Variants in IRF2 observed in about 807,000 individuals in gnomAD.
IRF2 encodes interferon regulatory factor 2.
Under a neutral mutation model 40.6 loss-of-function variants are expected in IRF2, and 15 were observed. The ratio of observed to expected loss-of-function variants is 0.37; its 90% CI spans 0.25 to 0.57. The LOEUF is 0.57. Among genes scored for constraint, IRF2 ranks in the 20% least tolerant of loss-of-function variants. The pLI is 0.77. For missense variants in IRF2, 317 were observed against 455.7 expected (o/e 0.70, Z 2.77); for synonymous variants, 151 against 165.5 (o/e 0.91, Z 0.67).
rs547540554 is a variant in IRF2, at chr4:184,388,616, G to T, written c.*142C>A. The T allele has an allele frequency of 2.4e-6, 2 of 832,496 alleles. No individual in the cohort carries two copies. The highest frequency in any genetic ancestry group is 3.4e-5 in the African/African-American group (2 of 58,424). 51.6% of individuals were successfully genotyped at this position (832,496 alleles called of 1,614,324 possible). On this transcript the variant is annotated 3_prime_UTR_variant, in exon 9 of 9. Coordinates refer to ENST00000393593, the MANE Select transcript of IRF2 (RefSeq NM_002199.4). This position sits in a 1 kb window ranked among gnomAD's most constrained non-coding sequence, Gnocchi z 4.6. Reference sequence around the variant, plus strand: ...AAGAGAAGCTCCAGTACTGGAGTTGGACACAGCAATCAATGTTCTATTGTC... The same window carrying T: ...AAGAGAAGCTCCAGTACTGGAGTTGTACACAGCAATCAATGTTCTATTGTC...
intron 1 of IRF2, among the ~76,000 whole-genome samples, chr4:184,468,229 T>C (rs1739396937): frequency 6.6e-6 from 1 of 152,238 alleles, no homozygotes; most frequent in African/African-American, 2.4e-5. Context: ...GGCTCACACC[T>C]GTAATCCGAA....
At chr4:184,473,630 C>G (rs1217764055) in intron 1 of IRF2, among the ~76,000 whole-genome samples, 1 of 147,936 alleles carries the variant, frequency 6.8e-6, no homozygotes, top group Non-Finnish European at 1.5e-5. Context: ...GCCCGGCGCC[C>G]GGCCCGGCTC....
intron 1 of IRF2, among the ~76,000 whole-genome samples, chr4:184,463,664 T>A (rs891194361): frequency 5.9e-5 from 9 of 152,140 alleles, no homozygotes; most frequent in Non-Finnish European, 1.0e-4. Flanking sequence ...ATATATTTTT[T>A]TTTTGATGGG....
At chr4:184,389,608 T>A (rs1052916902) in intron 8 of IRF2, among the ~76,000 whole-genome samples, 12 of 152,060 alleles carry the variant, frequency 7.9e-5, no homozygotes, top group South Asian at 4.1e-4. Flanking sequence ...TCTTTTTTTT[T>A]AAAAAATCAA....
chr4:184,436,997 C>A (rs1011752722), intron 1 of IRF2, among the ~76,000 whole-genome samples: 1 of 152,136 alleles, frequency 6.6e-6, no homozygotes, highest in Non-Finnish European at 1.5e-5. Flanking sequence ...GAGAGCCTCT[C>A]ACCTCAGCCT....
chr4:184,465,730 A>G (rs1739294440), intron 1 of IRF2, among the ~76,000 whole-genome samples: 2 of 152,166 alleles, frequency 1.3e-5, no homozygotes, highest in Middle Eastern at 3.2e-3. Context: ...AATTCGTTCA[A>G]ATGTGTCTCT....
chr4:184,425,873 G>GA (rs1252535157), intron 2 of IRF2, among the ~76,000 whole-genome samples: 1 of 152,200 alleles, frequency 6.6e-6, no homozygotes, highest in Non-Finnish European at 1.5e-5. Context: ...AGACTGTCAT[G>GA]AAAAATTACA....
chr4:184,416,274 C>T (rs562093661), intron 5 of IRF2, among the ~76,000 whole-genome samples: 23 of 144,106 alleles, frequency 1.6e-4, no homozygotes, highest in African/African-American at 4.4e-4. Context: ...GCTATGATCG[C>T]GTCACTTCAC....
chr4:184,412,355 G>A (rs1030114358), intron 5 of IRF2, among the ~76,000 whole-genome samples: 1 of 151,998 alleles, frequency 6.6e-6, no homozygotes, highest in African/African-American at 2.4e-5. Flanking sequence ...CAGAGTTAGA[G>A]GACAGCAGAG....
chr4:184,470,906 C>T (rs1482145828), intron 1 of IRF2, among the ~76,000 whole-genome samples: 1 of 152,152 alleles, frequency 6.6e-6, no homozygotes. Context: ...ATTTGGTCTC[C>T]ATGGATACCA....
intron 6 of IRF2, among the ~76,000 whole-genome samples, chr4:184,401,333 A>G (rs1230045766): frequency 1.3e-5 from 2 of 152,246 alleles, no homozygotes; most frequent in Non-Finnish European, 2.9e-5. Flanking sequence ...GGCAATTCAT[A>G]GGTTCTTTAA....
At chr4:184,465,533 T>C (rs1266071232) in intron 1 of IRF2, among the ~76,000 whole-genome samples, 1 of 151,950 alleles carries the variant, frequency 6.6e-6, no homozygotes, top group Non-Finnish European at 1.5e-5. Context: ...CAAAAAGATA[T>C]GTTTTCTTCC....
chr4:184,396,681 C>T (rs1055517807), intron 7 of IRF2, among the ~76,000 whole-genome samples: 1 of 152,006 alleles, frequency 6.6e-6, no homozygotes, highest in African/African-American at 2.4e-5. Context: ...AGTGATCCTC[C>T]CACTTCAGCC....
At chr4:184,421,764 G>C (rs1462991501) in intron 2 of IRF2, among the ~76,000 whole-genome samples, 1 of 152,096 alleles carries the variant, frequency 6.6e-6, no homozygotes, top group Non-Finnish European at 1.5e-5. Flanking sequence ...TAGTCCCACA[G>C]AAACCGCAAA....
intron 2 of IRF2, among the ~76,000 whole-genome samples, chr4:184,427,716 A>G (rs139597829): frequency 2.6e-5 from 4 of 152,346 alleles, no homozygotes; most frequent in Non-Finnish European, 5.9e-5. Flanking sequence ...TTTGAAAGAT[A>G]TCTGAAAAGA....
chr4:184,434,504 A>T (rs1738009098), intron 1 of IRF2, among the ~76,000 whole-genome samples: 1 of 152,204 alleles, frequency 6.6e-6, no homozygotes, highest in African/African-American at 2.4e-5. Context: ...TATATGAGCA[A>T]CCTGTACTTC....
chr4:184,445,090 G>A (rs560899227), intron 1 of IRF2, among the ~76,000 whole-genome samples: 175 of 152,276 alleles, frequency 1.1e-3, no homozygotes, highest in Middle Eastern at 3.4e-3. Context: ...ACCAATGACA[G>A]TCAGAGTTCC....
chr4:184,423,777 G>A (rs1737566123), intron 2 of IRF2, among the ~76,000 whole-genome samples: 1 of 152,032 alleles, frequency 6.6e-6, no homozygotes, highest in South Asian at 2.1e-4. Flanking sequence ...CAAGTCAATG[G>A]CGAGAAGGAA....
intron 1 of IRF2, among the ~76,000 whole-genome samples, chr4:184,429,342 C>T (rs2149904162): frequency 6.6e-6 from 1 of 152,302 alleles, no homozygotes; most frequent in East Asian, 1.9e-4. Context: ...CCACACTCCT[C>T]CCCAGGAATT....
Sources: gnomAD v4.1 joint callset for allele counts (sites outside exome capture counted in the v4.1 genomes callset) on GRCh38, gnomAD v4.1.1 for gene constraint, Gnocchi (gnomAD v3.1) non-coding constraint, MANE v1.5 for transcripts, NCBI Gene and HGNC (gene_info 2026-07-23, HGNC 2026-07-21) for gene names.